ZCWPW2: variants seen among roughly 807,000 people sequenced by gnomAD.
ZCWPW2 encodes zinc finger CW-type and PWWP domain containing 2.
In ZCWPW2, 45 loss-of-function variants were observed where a neutral mutation model predicts 46.6. The ratio of observed to expected loss-of-function variants is 0.96; its 90% CI spans 0.76 to 1.24. The LOEUF (loss-of-function observed/expected upper bound fraction) is 1.24. Among genes scored for constraint, ZCWPW2 ranks in the 50% most tolerant of loss-of-function variants. ZCWPW2 has a pLI of 0.00. For missense variants in ZCWPW2, 429 were observed against 403.9 expected, an observed-to-expected ratio of 1.06 and a Z score of -0.53; for synonymous variants, 152 against 137.1, an observed-to-expected ratio of 1.11 and a Z score of -0.76.
At chr3:28,380,192 G>T (rs1252743294) in intron 1 of ZCWPW2, among the ~76,000 whole-genome samples, 1 of 151,948 alleles carries the variant, frequency 6.6e-6, no homozygotes, top group Non-Finnish European at 1.5e-5. Flanking sequence ...CACCATGTTA[G>T]CCAGGATGGT....
At chr3:28,474,620 T>TGC (rs1553640372) in intron 4 of ZCWPW2, among the ~76,000 whole-genome samples, 2,317 of 121,614 alleles carry the variant, frequency 0.019, 36 homozygotes, top group African/African-American at 0.038. Context: ...TGTGTGTGTG[T>TGC]GCGCGCGCGC....
chr3:28,454,186 C>T (rs1455574697), intron 4 of ZCWPW2, among the ~76,000 whole-genome samples: 1 of 152,126 alleles, frequency 6.6e-6, no homozygotes, highest in Non-Finnish European at 1.5e-5. Context: ...TATCATTTTC[C>T]TTTCATTAAT....
chr3:28,364,702 G>C (rs1237151710), intron 1 of ZCWPW2, among the ~76,000 whole-genome samples: 1 of 151,770 alleles, frequency 6.6e-6, no homozygotes, highest in Admixed American at 6.6e-5. Context: ...ATGCAGGTTA[G>C]TTACATATGT....
chr3:28,478,724 A>G (rs2125804356), intron 4 of ZCWPW2, 90 bp from the exon 5 acceptor site: 2 of 558,378 alleles, frequency 3.6e-6, no homozygotes, highest in South Asian at 9.8e-5. Flanking sequence ...AATGCTCCAA[A>G]TTAGATTTTG....
intron 4 of ZCWPW2, among the ~76,000 whole-genome samples, chr3:28,474,486 A>G (rs564101892): frequency 6.6e-6 from 1 of 152,214 alleles, no homozygotes; most frequent in African/African-American, 2.4e-5. Flanking sequence ...AGCATTGTCA[A>G]ATAAATAGGG....
chr3:28,367,591 T>C (rs561211749), intron 1 of ZCWPW2, among the ~76,000 whole-genome samples: 1 of 152,290 alleles, frequency 6.6e-6, no homozygotes, highest in African/African-American at 2.4e-5. Context: ...GGAACAGGTG[T>C]TGTGTGGTGC....
intron 4 of ZCWPW2, among the ~76,000 whole-genome samples, chr3:28,466,768 C>T (rs905551565): frequency 2.0e-5 from 3 of 152,066 alleles, no homozygotes; most frequent in Non-Finnish European, 1.5e-5. Flanking sequence ...CACTGGACTC[C>T]AGCCGGGGTG....
At chr3:28,514,189 C>A (rs1345649460) in intron 7 of ZCWPW2, 67 bp downstream of exon 7, 1 of 1,125,046 alleles carries the variant, frequency 8.9e-7, no homozygotes, top group Non-Finnish European at 1.2e-6. Flanking sequence ...AGTTTAGAAA[C>A]ACCCCGGCTA....
At chr3:28,442,891 G>A (rs1470672249) in intron 4 of ZCWPW2, among the ~76,000 whole-genome samples, 1 of 152,186 alleles carries the variant, frequency 6.6e-6, no homozygotes, top group Non-Finnish European at 1.5e-5. Context: ...CTCCAGGGAT[G>A]TGATATTGTT....
intron 5 of ZCWPW2, among the ~76,000 whole-genome samples, chr3:28,481,299 A>G (rs1470752340): frequency 6.6e-6 from 1 of 152,140 alleles, no homozygotes; most frequent in Non-Finnish European, 1.5e-5. Context: ...GCTGGAGTGC[A>G]GTGGCGCGAT....
intron 1 of ZCWPW2, among the ~76,000 whole-genome samples, chr3:28,378,148 A>C (rs981481709): frequency 4.6e-5 from 7 of 152,030 alleles, no homozygotes; most frequent in African/African-American, 1.7e-4. Flanking sequence ...ACAGGCTCTT[A>C]ATAAATTTTT....
At chr3:28,444,257 A>G (rs1697893236) in intron 4 of ZCWPW2, among the ~76,000 whole-genome samples, 1 of 152,114 alleles carries the variant, frequency 6.6e-6, no homozygotes, top group South Asian at 2.1e-4. Flanking sequence ...CACACTCTCA[A>G]CCTCACCTCT....
At chr3:28,426,736 G>T (rs1697029029) in intron 3 of ZCWPW2, among the ~76,000 whole-genome samples, 1 of 152,100 alleles carries the variant, frequency 6.6e-6, no homozygotes, top group Middle Eastern at 3.2e-3. Context: ...ATAATATTTA[G>T]TCATGATTCC....
At chr3:28,362,900 C>T (rs746586808) in intron 1 of ZCWPW2, among the ~76,000 whole-genome samples, 14 of 152,060 alleles carry the variant, frequency 9.2e-5, no homozygotes, top group Non-Finnish European at 1.9e-4. Flanking sequence ...AATGAGATGA[C>T]ATCCTTTGCA....
At chr3:28,374,376 A>G (rs1252725525) in intron 1 of ZCWPW2, among the ~76,000 whole-genome samples, 2 of 152,116 alleles carry the variant, frequency 1.3e-5, no homozygotes, top group Non-Finnish European at 2.9e-5. Context: ...GGCTTTGGTT[A>G]CTTTGGCTTT....
intron 4 of ZCWPW2, among the ~76,000 whole-genome samples, chr3:28,467,761 A>G (rs1223335642): frequency 6.6e-6 from 1 of 152,246 alleles, no homozygotes; most frequent in African/African-American, 2.4e-5. Flanking sequence ...CCATAGCATT[A>G]CTAGGCTTAC....
chr3:28,486,279 A>G (rs1459188234), intron 5 of ZCWPW2, among the ~76,000 whole-genome samples: 2 of 152,036 alleles, frequency 1.3e-5, no homozygotes, highest in Non-Finnish European at 2.9e-5. Flanking sequence ...GCATATATGC[A>G]CACACACACA....
At chr3:28,423,605 A>ATT (rs1696886486) in intron 3 of ZCWPW2, among the ~76,000 whole-genome samples, 1 of 151,520 alleles carries the variant, frequency 6.6e-6, no homozygotes, top group African/African-American at 2.4e-5. Flanking sequence ...TAACCTCATG[A>ATT]TCCTCCCACC....
chr3:28,400,162 T>A (rs1695865030), intron 2 of ZCWPW2, among the ~76,000 whole-genome samples: 1 of 151,984 alleles, frequency 6.6e-6, no homozygotes, highest in Middle Eastern at 3.2e-3. Flanking sequence ...AGCAATAGAA[T>A]GGAACAAGTA....
Sources: gnomAD v4.1 joint callset for allele counts (sites outside exome capture counted in the v4.1 genomes callset) on GRCh38, gnomAD v4.1.1 for gene constraint, MANE v1.5 for transcripts, NCBI Gene and HGNC (gene_info 2026-07-23, HGNC 2026-07-21) for gene names.